TMEM108: variants seen among roughly 807,000 people sequenced by gnomAD.
The protein encoded by TMEM108 is transmembrane protein 108, also known as cancer/testis antigen 124.
In TMEM108, 12 loss-of-function variants were observed where a neutral mutation model predicts 35.1. That is an observed-to-expected ratio of 0.34 (90% CI 0.22 to 0.55). The LOEUF is 0.55. TMEM108 is among the 20% of genes least tolerant of loss of function. TMEM108 has a pLI of 0.89. For synonymous variants in TMEM108, 287 were observed against 308.6 expected (o/e 0.93, Z 0.73); for missense variants, 680 against 753.3 (o/e 0.90, Z 1.14).
chr3:133,249,127 G>A lies in TMEM108; in HGVS notation c.40+19776G>A, dbSNP rs573455404. ...GTATAATCATGACATCTCCTTCACA[G>A]TGCCAAAAGAAATATTCACAATTTG... On this transcript the variant is annotated intron_variant, in intron 3 of 5. Transcript: ENST00000321871. 2.6e-4 allele frequency among the ~76,000 whole-genome samples: 40 copies of A among 152,308 alleles called. No individual in the cohort carries two copies. The South Asian group carries it at 7.7e-3, about 29-fold the overall frequency.
At chr3:133,308,445 C>G (rs1192138639) in intron 3 of TMEM108, among the ~76,000 whole-genome samples, 3 of 152,114 alleles carry the variant, frequency 2.0e-5, no homozygotes, top group Non-Finnish European at 4.4e-5. Context: ...TGCTGGTTAT[C>G]AAAGGGAATG....
intron 3 of TMEM108, among the ~76,000 whole-genome samples, chr3:133,358,558 T>C (rs1311503196): frequency 6.6e-6 from 1 of 152,164 alleles, no homozygotes; most frequent in Non-Finnish European, 1.5e-5. Flanking sequence ...GAGAATGTGC[T>C]GCACGGATGC....
In TMEM108 at chr3:133,114,314, T is replaced by C. The variant is rs1398227960; in HGVS notation, c.-47+68294T>C. 4.6e-5 allele frequency among the ~76,000 whole-genome samples: 7 copies of C among 152,192 alleles called. No individual in the cohort carries two copies. The East Asian group carries it at 1.3e-3, about 29-fold the overall frequency. On this transcript the variant is annotated intron_variant, in intron 2 of 5. Transcript: ENST00000321871. ...GATTTAGGTATCAACTATAAAACCC[T>C]AGAATCTATGGCAAGTAGGAAATGA...
In TMEM108 at chr3:133,227,131, A is replaced by G. The variant is rs116928338; in HGVS notation, c.-46-2135A>G. 8.6e-5 allele frequency among the ~76,000 whole-genome samples: 13 copies of G among 151,674 alleles called. No individual in the cohort carries two copies. In the East Asian group the frequency reaches 2.5e-3, roughly 29 times the overall value. On this transcript the variant is annotated intron_variant, in intron 2 of 5. Transcript: ENST00000321871. The stretch of plus-strand genomic sequence containing the variant: ...ATTTGGGTGGGGACATGGCCAAACT[A>G]TATCAGGAAGAAAATATGCGCAAGT...
At chr3:133,366,059 T>G (rs563374619) in intron 3 of TMEM108, among the ~76,000 whole-genome samples, 2 of 152,322 alleles carry the variant, frequency 1.3e-5, no homozygotes, top group South Asian at 4.1e-4. Flanking sequence ...GGATAAATCT[T>G]TTAACCTCTC....
At chr3:133,322,144 C>G (rs2071274866) in intron 3 of TMEM108, among the ~76,000 whole-genome samples, 1 of 151,984 alleles carries the variant, frequency 6.6e-6, no homozygotes, top group Non-Finnish European at 1.5e-5. Context: ...ACAATCCAAA[C>G]CCAAACCCGG....
At chr3:133,212,158 A>G (rs566315833) in intron 2 of TMEM108, among the ~76,000 whole-genome samples, 77 of 152,260 alleles carry the variant, frequency 5.1e-4, no homozygotes, top group African/African-American at 1.8e-3. Context: ...GCCCATGTAC[A>G]TTTCTGAATT....
intron 3 of TMEM108, chr3:133,247,999 A>C (rs1258999198): frequency 6.6e-6 from 1 of 152,178 alleles, no homozygotes; most frequent in Admixed American, 6.5e-5. Context: ...GAAAGGGCAG[A>C]ATATGAAAAA....
chr3:133,106,343 A>G (rs1362057553), intron 2 of TMEM108, among the ~76,000 whole-genome samples: 2 of 152,102 alleles, frequency 1.3e-5, no homozygotes, highest in African/African-American at 4.8e-5. Context: ...GTGGGAGCTA[A>G]GCCTGAGAGA....
At chr3:133,315,333 C>T (rs996172217) in intron 3 of TMEM108, among the ~76,000 whole-genome samples, 1 of 152,118 alleles carries the variant, frequency 6.6e-6, no homozygotes, top group Non-Finnish European at 1.5e-5. Context: ...TTTATAGGTC[C>T]CTGGGGAGGG....
At chr3:133,063,639 T>C (rs535820481) in intron 2 of TMEM108, among the ~76,000 whole-genome samples, 5 of 152,194 alleles carry the variant, frequency 3.3e-5, no homozygotes, top group African/African-American at 4.8e-5. Context: ...TGTGAGTCCT[T>C]GAGGGCTTCT....
At chr3:133,293,363 A>G (rs1947099649) in intron 3 of TMEM108, among the ~76,000 whole-genome samples, 1 of 150,502 alleles carries the variant, frequency 6.6e-6, no homozygotes, top group African/African-American at 2.4e-5. Flanking sequence ...AGCCTAACAC[A>G]GAGCCTGGCA....
chr3:133,283,115 G>T (rs941325791), intron 3 of TMEM108, among the ~76,000 whole-genome samples: 1 of 152,110 alleles, frequency 6.6e-6, no homozygotes, highest in African/African-American at 2.4e-5. Context: ...GCATTACTTA[G>T]ATTTTAAATG....
chr3:133,203,488 G>C (rs1481170063), intron 2 of TMEM108, among the ~76,000 whole-genome samples: 1 of 152,134 alleles, frequency 6.6e-6, no homozygotes, highest in Non-Finnish European at 1.5e-5. Context: ...AGTTTATTGA[G>C]AGTTTTTAGC....
intron 2 of TMEM108, among the ~76,000 whole-genome samples, chr3:133,058,060 G>A (rs1217601225): frequency 2.0e-5 from 3 of 151,228 alleles, no homozygotes; most frequent in Non-Finnish European, 4.4e-5. Flanking sequence ...TGCAGCCCTT[G>A]AGCACGTTGG....
At chr3:133,231,290 T>C (rs574984929) in intron 3 of TMEM108, among the ~76,000 whole-genome samples, 1 of 152,344 alleles carries the variant, frequency 6.6e-6, no homozygotes, top group East Asian at 1.9e-4. Flanking sequence ...GGTTTTTCAT[T>C]ATTACATAAC....
At chr3:133,264,587 G>C (rs945983094) in intron 3 of TMEM108, among the ~76,000 whole-genome samples, 1 of 152,110 alleles carries the variant, frequency 6.6e-6, no homozygotes. Context: ...TATTGTTTCT[G>C]TCTGATTTGG....
chr3:133,121,781 A>C (rs957696935), intron 2 of TMEM108, among the ~76,000 whole-genome samples: 2 of 152,204 alleles, frequency 1.3e-5, no homozygotes, highest in African/African-American at 4.8e-5. Context: ...ATGAGTACCA[A>C]GGGAAATTTT....
At chr3:133,144,143 C>A (rs1204919993) in intron 2 of TMEM108, among the ~76,000 whole-genome samples, 1 of 151,912 alleles carries the variant, frequency 6.6e-6, no homozygotes, top group East Asian at 1.9e-4. Context: ...CCCTGACAGG[C>A]CCTGGTGTGT....
Sources: allele counts gnomAD v4.1 joint callset (sites outside exome capture counted in the v4.1 genomes callset), GRCh38; gene constraint gnomAD v4.1.1; transcripts MANE v1.5; gene names NCBI Gene and HGNC (gene_info 2026-07-23, HGNC 2026-07-21).